Variants in SLC4A1 observed in about 807,000 individuals in gnomAD.
The protein encoded by SLC4A1 is band 3 anion transport protein.
SLC4A1 carries 29 observed loss-of-function variants against 93.1 expected under a neutral mutation model. That is an observed-to-expected ratio of 0.31 (90% CI 0.23 to 0.42). The LOEUF (loss-of-function observed/expected upper bound fraction) is 0.42, where lower values mean the gene tolerates loss of function less well. SLC4A1 is among the 20% of genes least tolerant of loss of function. SLC4A1 has a pLI of 1.00. For synonymous variants in SLC4A1, 469 were observed against 497.2 expected, an observed-to-expected ratio of 0.94 and a Z score of 0.76; for missense variants, 965 against 1,190.1, an observed-to-expected ratio of 0.81 and a Z score of 2.78.
rs2047382390 is a variant in SLC4A1 at position 44,255,654 on chromosome 17, G to A, written c.1800+19C>T. ...GATAGGGCAGTGTTGGCAAGGACAG[G>A]CGAGGAGGGTATGCTGACCTTGCCA... On this transcript the variant is annotated intron_variant, in intron 14 of 19. Coordinates refer to ENST00000262418, the MANE Select transcript of SLC4A1 (RefSeq NM_000342.4). 6.2e-7 allele frequency: 1 copy of A among 1,612,322 alleles called. No homozygotes were observed. The highest frequency in any genetic ancestry group is 1.3e-5 in the African/African-American group (1 of 74,858).
At chr17:44,261,686 GC>G in intron 3 of SLC4A1, 50 bp from the exon 4 acceptor site, 1 of 1,613,760 alleles carries the variant, frequency 6.2e-7, no homozygotes, top group South Asian at 1.1e-5. Flanking sequence ...CCCACCTGAG[GC>G]TCTTCACCAT....
intron 1 of SLC4A1, among the ~76,000 whole-genome samples, chr17:44,266,880 G>T (rs1171934430): frequency 6.6e-6 from 1 of 152,156 alleles, no homozygotes; most frequent in Non-Finnish European, 1.5e-5. Context: ...AGAGGGGATT[G>T]ACCAGATGAC....
intron 15 of SLC4A1, 72 bp downstream of exon 15, chr17:44,255,135 A>C: frequency 4.0e-6 from 4 of 1,002,284 alleles, no homozygotes; most frequent in Non-Finnish European, 6.1e-6. Flanking sequence ...TATTCTAGGG[A>C]AGGGGCATGC....
At chr17:44,250,953 T>TA (rs1567827667) in intron 19 of SLC4A1, among the ~76,000 whole-genome samples, 7 of 152,084 alleles carry the variant, frequency 4.6e-5, no homozygotes, top group Admixed American at 4.6e-4. Context: ...GTGCCATCAT[T>TA]TCCCCCTTTA....
intron 6 of SLC4A1, 95 bp from the exon 7 acceptor site, chr17:44,260,027 T>G: frequency 6.6e-7 from 1 of 1,516,356 alleles, no homozygotes; most frequent in African/African-American, 1.4e-5. Context: ...GGGACTGGGG[T>G]AGACATCAAG....
chr17:44,267,331 A>T (rs1211031802), intron 1 of SLC4A1, among the ~76,000 whole-genome samples: 1 of 152,226 alleles, frequency 6.6e-6, no homozygotes, highest in African/African-American at 2.4e-5. Flanking sequence ...AATGGGGGTG[A>T]TGATAATGAT....
rs559888630 is a variant in SLC4A1, at chr17:44,258,030, T to C, written c.1238A>G (p.Tyr413Cys). Residue 413 changes from tyrosine (Y) to cysteine (C), a missense_variant, in exon 11 of 20, where the codon TAC (tyrosine) becomes TGC (cysteine). Physicochemically the swap from Tyr to Cys is radical, Grantham distance 194 (BLOSUM62 -2). Around this residue, in one of 2 missense-constraint regions of SLC4A1, gnomAD observed 770 missense variants for 1,006.6 expected, o/e 0.76. Transcript: ENST00000262418. The surrounding 1 kb of genome is among the most constrained non-coding windows in gnomAD (Gnocchi z 6.1). ...PQVLAAVIFI[Y>C]FAALSPAITF... ...GATGGCGGGTGACAGTGCAGCAAAG[T>C]AGATGAAGATGACGGCAGCCAGGAC... 2 of 1,613,914 alleles carry C rather than the reference T, an allele frequency of 1.2e-6. No homozygotes were observed. The highest frequency in any genetic ancestry group is 1.1e-5 in the South Asian group (1 of 91,066).
intron 17 of SLC4A1, among the ~76,000 whole-genome samples, chr17:44,252,499 C>G (rs1321074740): frequency 6.6e-6 from 1 of 152,162 alleles, no homozygotes; most frequent in Non-Finnish European, 1.5e-5. Flanking sequence ...GTCAAACACA[C>G]ACACCTTTCT....
At position 44,259,172 on chromosome 17, in the gene SLC4A1, C is replaced by G; in HGVS notation, c.867G>C (p.Met289Ile). The G allele has an allele frequency of 6.2e-7, 1 of 1,613,996 alleles. No homozygotes were observed. Among genetic ancestry groups the G allele is most frequent in the Non-Finnish European group, 8.5e-7 (1 of 1,180,026 alleles). ...TQLGRAAATL[M>I]SERVFRIDAY... Reference sequence around the variant, plus strand: ...TCCGGCCCTTCCTTACCCTCTCTGACATGAGGGTGGCAGCAGCCCGGCCAA... The same window carrying G: ...TCCGGCCCTTCCTTACCCTCTCTGAGATGAGGGTGGCAGCAGCCCGGCCAA... The change falls in exon 9 of 20, where the codon ATG becomes ATC. Residue 289 changes from methionine (M) to isoleucine (I), a missense_variant. Transcript: ENST00000262418.
intron 19 of SLC4A1, 84 bp downstream of exon 19, chr17:44,251,075 G>A: frequency 6.9e-7 from 1 of 1,446,674 alleles, no homozygotes; most frequent in Non-Finnish European, 9.5e-7. Context: ...CTTTACCCAT[G>A]ACTCTGTCCT....
intron 1 of SLC4A1, among the ~76,000 whole-genome samples, chr17:44,265,553 A>G (rs12940108): frequency 0.012 from 1,883 of 151,878 alleles, 32 homozygotes; most frequent in African/African-American, 0.043. Context: ...GTATTTTTTT[A>G]GTAGAGACGG....
At chr17:44,253,846 AT>A (rs1287904998) in intron 16 of SLC4A1, among the ~76,000 whole-genome samples, 1 of 147,404 alleles carries the variant, frequency 6.8e-6, no homozygotes, top group Non-Finnish European at 1.5e-5. Context: ...TAATTTTTGT[AT>A]TTTTAGTAGA....
Position 44,255,217 on chromosome 17 carries a change from G to A in SLC4A1, c.1880C>T (p.Thr627Ile), listed in dbSNP as rs1464142736. Residue 627 changes from threonine to isoleucine, a missense_variant, in exon 15 of 20, where the codon ACC (threonine) becomes ATC (isoleucine). Physicochemically the swap from Thr to Ile is moderately conservative, Grantham distance 89. This residue lies in a region of SLC4A1 where 770 missense variants were observed against 1,006.6 expected (regional missense o/e 0.76). Transcript: ENST00000262418. ...MVLVDFFIQDTYTQKLSVPDG... is the reference protein window; with the variant it reads ...MVLVDFFIQDIYTQKLSVPDG... ...GGGAGGAGGGGTCACCTGGGTGTAG[G>A]TATCCTGAATGAAGAAATCCACCAG... The A allele has an allele frequency of 1.3e-6, 2 of 1,555,408 alleles. No individual in the cohort carries two copies. Among genetic ancestry groups the A allele is most frequent in the Admixed American group, 3.9e-5 (2 of 51,022 alleles).
chr17:44,258,217 G>T lies in SLC4A1; in HGVS notation c.1088-37C>A. 1 of 1,597,418 alleles carries T rather than the reference G, an allele frequency of 6.3e-7. No homozygotes were observed. On this transcript the variant is annotated intron_variant, in intron 10 of 19. Coordinates refer to ENST00000262418, the MANE Select transcript of SLC4A1 (RefSeq NM_000342.4). The surrounding 1 kb of genome is among the most constrained non-coding windows in gnomAD (Gnocchi z 6.1). ...GATAAGAGCATGGTCAGAGGGAGTA[G>T]CTGGAGGAGGTGAGGGGAAAGGGGA...
intron 17 of SLC4A1, 67 bp from the exon 18 acceptor site, chr17:44,251,655 C>G: frequency 6.8e-7 from 1 of 1,476,388 alleles, no homozygotes; most frequent in Non-Finnish European, 9.4e-7. Flanking sequence ...GGGTCAGGCC[C>G]CTATCTGGGG....
chr17:44,266,245 C>T (rs561400779), intron 1 of SLC4A1, among the ~76,000 whole-genome samples: 22 of 152,260 alleles, frequency 1.4e-4, no homozygotes, highest in Non-Finnish European at 2.8e-4. Flanking sequence ...TTTTCCTCCT[C>T]CCTCTCTGCT....
intron 1 of SLC4A1, among the ~76,000 whole-genome samples, chr17:44,266,643 A>G (rs1386968897): frequency 6.6e-6 from 1 of 152,178 alleles, no homozygotes; most frequent in Non-Finnish European, 1.5e-5. Context: ...GGAGACTTAC[A>G]GGGCGCACCC....
chr17:44,263,248 C>A (rs2047462768), intron 1 of SLC4A1, among the ~76,000 whole-genome samples: 1 of 152,154 alleles, frequency 6.6e-6, no homozygotes, highest in Non-Finnish European at 1.5e-5. Context: ...CACCTGGCTT[C>A]TTTTCTTGCC....
chr17:44,251,074 T>C, intron 19 of SLC4A1, 85 bp downstream of exon 19: 1 of 1,445,324 alleles, frequency 6.9e-7, no homozygotes, highest in Non-Finnish European at 9.5e-7. Context: ...ACTTTACCCA[T>C]GACTCTGTCC....
Sources: gnomAD v4.1 joint callset for allele counts (sites outside exome capture counted in the v4.1 genomes callset) on GRCh38, gnomAD v4.1.1 for gene constraint, gnomAD v4.1.1 regional missense constraint, Gnocchi (gnomAD v3.1) non-coding constraint, MANE v1.5 for transcripts, NCBI Gene and HGNC (gene_info 2026-07-23, HGNC 2026-07-21) for gene names.